The following SPECC1L variants were observed in gnomAD, a reference collection of about 807,000 sequenced individuals.
SPECC1L encodes cytospin-A.
Under a neutral mutation model 116.8 loss-of-function variants are expected in SPECC1L, and 40 were observed. The ratio of observed to expected loss-of-function variants is 0.34; its 90% CI spans 0.27 to 0.45. SPECC1L has a LOEUF of 0.45. Ranked by LOEUF, SPECC1L falls within the 20% of genes least tolerant of loss-of-function variation. The probability of loss-of-function intolerance (pLI) is 1.00; values close to 1 mark genes in which losing one functional copy is unlikely to be tolerated. For missense variants in SPECC1L, 1,110 were observed against 1,373.6 expected (o/e 0.81, Z 3.03); for synonymous variants, 504 against 500.6 (o/e 1.01, Z -0.09).
chr22:24,334,709 C>T (rs1050343886), intron 9 of SPECC1L, 136 bp downstream of exon 9: 6 of 944,518 alleles, frequency 6.4e-6, no homozygotes, highest in Admixed American at 3.8e-5. Flanking sequence ...ATGCACTAGA[C>T]TTAACAGAAG....
rs1305133359 is a variant in SPECC1L, at chr22:24,322,680, C to T, written c.1700C>T (p.Ala567Val). 3 of 1,608,864 alleles carry T rather than the reference C, an allele frequency of 1.9e-6. No homozygotes were observed. The highest frequency in any genetic ancestry group is 4.5e-5 in the East Asian group (2 of 44,846). The change falls in exon 5 of 17, where the codon GCC becomes GTC. Residue 567 changes from alanine (A) to valine (V), a missense_variant. By Grantham distance (64) the Ala-to-Val change is moderately conservative (BLOSUM62 0). Coordinates refer to ENST00000314328, the MANE Select transcript of SPECC1L (RefSeq NM_015330.6). ...GCAGCCACGTTAGAGGAATACAAAG[C>T]CACAGTGGCCAGTGACCAGATAGAG... ...ALAATLEEYK[A>V]TVASDQIEMN... is the part of the protein sequence containing the mutation.
chr22:24,317,939 A>G (rs1569418224), intron 4 of SPECC1L, among the ~76,000 whole-genome samples: 6 of 148,510 alleles, frequency 4.0e-5, no homozygotes, highest in African/African-American at 1.5e-4. Flanking sequence ...CCGGGCAGAG[A>G]CGCTCCTCAC....
At chr22:24,345,973 G>T (rs946042989) in intron 10 of SPECC1L, among the ~76,000 whole-genome samples, 2 of 151,536 alleles carry the variant, frequency 1.3e-5, no homozygotes, top group Non-Finnish European at 2.9e-5. Flanking sequence ...GAGCTGAGGG[G>T]TTTTAAGTGT....
chr22:24,356,212 C>T (rs1018050999), intron 11 of SPECC1L, among the ~76,000 whole-genome samples: 9 of 151,958 alleles, frequency 5.9e-5, no homozygotes, highest in African/African-American at 1.9e-4. Flanking sequence ...AAGTCTGGGT[C>T]TTCTGTATTT....
intron 10 of SPECC1L, among the ~76,000 whole-genome samples, chr22:24,341,998 A>T (rs2041186247): frequency 6.6e-6 from 1 of 152,204 alleles, no homozygotes; most frequent in South Asian, 2.1e-4. Context: ...CTTGAACCAG[A>T]GGCACTCCGC....
intron 15 of SPECC1L, chr22:24,412,255 TC>T: frequency 2.7e-6 from 1 of 368,964 alleles, no homozygotes; most frequent in Non-Finnish European, 5.2e-6. Flanking sequence ...CCCACCCCAG[TC>T]CCCTGCTTCC....
intron 16 of SPECC1L, among the ~76,000 whole-genome samples, chr22:24,413,375 C>T (rs560565051): frequency 2.6e-5 from 4 of 152,294 alleles, no homozygotes; most frequent in South Asian, 2.1e-4. Context: ...AACTGAGTGC[C>T]GCAGCCTCAC....
chr22:24,331,946 A>G (rs2040946695), intron 8 of SPECC1L, among the ~76,000 whole-genome samples: 1 of 152,224 alleles, frequency 6.6e-6, no homozygotes, highest in Non-Finnish European at 1.5e-5. Context: ...CAAAATGGGA[A>G]GTACAGAAAA....
chr22:24,374,663 T>C, intron 14 of SPECC1L, among the ~76,000 whole-genome samples: 1 of 149,106 alleles, frequency 6.7e-6, no homozygotes, highest in Non-Finnish European at 1.5e-5. Context: ...TTAGGAGATA[T>C]ACCTAATGTT....
Position 24,414,682 on chromosome 22 carries a change from A to G in SPECC1L, c.*59A>G. 3 of 1,472,546 alleles carry G rather than the reference A, an allele frequency of 2.0e-6. No homozygotes were observed. Among genetic ancestry groups the G allele is most frequent in the Non-Finnish European group, 2.8e-6 (3 of 1,056,002 alleles). 91.2% of individuals were successfully genotyped at this position (1,472,546 alleles called of 1,614,324 possible). A position where few individuals can be genotyped will look rare whatever the true frequency, so the allele number is the denominator to read the frequency against. On this transcript the variant is annotated 3_prime_UTR_variant, in exon 17 of 17. Transcript: ENST00000314328. Reference sequence around the variant, plus strand: ...TACCCCTCCACAGCGACCGAGCGACACCGACGCCATTAGCTACGCACCCCT... The same window carrying G: ...TACCCCTCCACAGCGACCGAGCGACGCCGACGCCATTAGCTACGCACCCCT...
rs535541368 is a variant in SPECC1L at position 24,398,208 on chromosome 22, C to T, written c.3088-13380C>T. 3.3e-3 allele frequency among the ~76,000 whole-genome samples: 500 copies of T among 152,322 alleles called. 1 individual carries two copies. The highest frequency in any genetic ancestry group is 0.014 in the Middle Eastern group (4 of 294). ...GTGTTGTAGAAGGTGGAATCAACACCATCTCAGGGGCAAAGAGCAGGGATC... is the reference window on the plus strand; with the variant it reads ...GTGTTGTAGAAGGTGGAATCAACACTATCTCAGGGGCAAAGAGCAGGGATC... On this transcript the variant is annotated intron_variant, in intron 14 of 16. Transcript: ENST00000314328.
chr22:24,356,983 T>G (rs1299374471), intron 11 of SPECC1L, among the ~76,000 whole-genome samples: 1 of 151,862 alleles, frequency 6.6e-6, no homozygotes, highest in Non-Finnish European at 1.5e-5. Context: ...TCCCCAGTTA[T>G]GACAACCAAA....
At chr22:24,376,215 G>A (rs542319119) in intron 14 of SPECC1L, among the ~76,000 whole-genome samples, 1 of 152,290 alleles carries the variant, frequency 6.6e-6, no homozygotes, top group African/African-American at 2.4e-5. Context: ...TTAAGAGATA[G>A]GGTCTCACTA....
intron 2 of SPECC1L, among the ~76,000 whole-genome samples, chr22:24,299,542 C>G (rs888496918): frequency 1.3e-5 from 2 of 152,174 alleles, no homozygotes; most frequent in African/African-American, 4.8e-5. Flanking sequence ...ATCTCAGCAT[C>G]TTTAAAGGTT....
At chr22:24,412,529 TG>T in intron 15 of SPECC1L, 118 bp from the exon 16 acceptor site, 1 of 906,784 alleles carries the variant, frequency 1.1e-6, no homozygotes, top group Non-Finnish European at 1.8e-6. Flanking sequence ...AGGTTTGTTG[TG>T]GCACCAGGTA....
At chr22:24,403,257 G>A (rs187465626) in intron 14 of SPECC1L, among the ~76,000 whole-genome samples, 3 of 152,018 alleles carry the variant, frequency 2.0e-5, no homozygotes, top group Admixed American at 2.0e-4. Context: ...TTGTTTTGTC[G>A]ACCCTAATCC....
At chr22:24,410,667 A>G (rs76378509) in intron 14 of SPECC1L, among the ~76,000 whole-genome samples, 110 of 152,208 alleles carry the variant, frequency 7.2e-4, no homozygotes, top group African/African-American at 2.6e-3. Context: ...CACTATAGCA[A>G]TCTCCAGTAC....
chr22:24,288,893 G>A (rs1478355850), intron 2 of SPECC1L, among the ~76,000 whole-genome samples: 1 of 151,976 alleles, frequency 6.6e-6, no homozygotes, highest in East Asian at 1.9e-4. Context: ...CAAAGTGCTG[G>A]GATTACAGGC....
chr22:24,288,125 TTGTC>T (rs1252822910), intron 2 of SPECC1L, among the ~76,000 whole-genome samples: 3 of 152,188 alleles, frequency 2.0e-5, no homozygotes, highest in Non-Finnish European at 4.4e-5. Flanking sequence ...TCTCAGCAGA[TTGTC>T]TGTACACATG....
Sources: allele counts gnomAD v4.1 joint callset (sites outside exome capture counted in the v4.1 genomes callset), GRCh38; gene constraint gnomAD v4.1.1; transcripts MANE v1.5; gene names NCBI Gene and HGNC (gene_info 2026-07-23, HGNC 2026-07-21).